Variants in OR4N5 observed in about 807,000 individuals in gnomAD.
The protein encoded by OR4N5 is olfactory receptor 4N5.
For synonymous variants in OR4N5, 155 were observed against 140.6 expected, an observed-to-expected ratio of 1.10 and a Z score of -0.72; for missense variants, 428 against 370.0, an observed-to-expected ratio of 1.16 and a Z score of -1.29.
Position 20,144,033 on chromosome 14 carries a change from C to T in OR4N5, c.298C>T (p.Gln100Ter). 3 of 1,614,076 alleles carry T rather than the reference C, an allele frequency of 1.9e-6. No individual in the cohort carries two copies. Among genetic ancestry groups the T allele is most frequent in the Non-Finnish European group, 8.5e-7 (1 of 1,179,962 alleles). ...AATCTCCTATAGAAGCTGCATCACTCAGCTCTTTTTCTTGCATTTTCTTGG... is the reference window on the plus strand; with the variant it reads ...AATCTCCTATAGAAGCTGCATCACTTAGCTCTTTTTCTTGCATTTTCTTGG... ...KVISYRSCITQLFFLHFLGAG... is the reference protein window; with the variant it reads ...KVISYRSCIT Residue 100 changes from glutamine (Q) to a stop codon, truncating the protein, a stop_gained, in exon 3 of 3, where the codon CAG becomes TAG. Transcript: ENST00000641086. LOFTEE classifies it low-confidence loss of function (END_TRUNC).
rs746288734 is a variant in OR4N5 at position 20,143,804 on chromosome 14, T to C, written c.69T>C (p.Ala23=). The C allele has an allele frequency of 5.6e-6, 9 of 1,613,874 alleles. No homozygotes were observed. Among genetic ancestry groups the C allele is most frequent in the African/African-American group, 1.3e-5 (1 of 74,928 alleles). Residue 23 remains alanine, a synonymous_variant, in exon 3 of 3, where the codon GCT becomes GCC. Transcript: ENST00000641086. ...TTGGTCTGACCCAGTCTCAAGATGC[T>C]CAACTTCTGGTCTTTGTGCTAGTCT... ...ILLGLTQSQD[A]QLLVFVLVLI...
chr14:20,142,813 A>T (rs983646947), intron 2 of OR4N5, among the ~76,000 whole-genome samples: 15 of 152,220 alleles, frequency 9.9e-5, no homozygotes, highest in Non-Finnish European at 2.1e-4. Context: ...CAACTCTCAA[A>T]TGAGTACATC....
At position 20,144,043 on chromosome 14, in the gene OR4N5, T is replaced by G. The variant is rs1308823413; in HGVS notation, c.308T>G (p.Phe103Cys). Residue 103 changes from phenylalanine to cysteine, a missense_variant, in exon 3 of 3, where the codon TTC (phenylalanine) becomes TGC (cysteine). Coordinates refer to ENST00000641086, the MANE Select transcript of OR4N5 (RefSeq NM_001004724.2). ...SYRSCITQLF[F>C]LHFLGAGEMF... ...AGAAGCTGCATCACTCAGCTCTTTT[T>G]CTTGCATTTTCTTGGAGCGGGAGAG... 6.2e-7 allele frequency: 1 copy of G among 1,614,016 alleles called. No individual in the cohort carries two copies. The highest frequency in any genetic ancestry group is 1.3e-5 in the African/African-American group (1 of 74,932).
intron 2 of OR4N5, among the ~76,000 whole-genome samples, chr14:20,143,284 C>G (rs935847204): frequency 5.9e-5 from 9 of 152,156 alleles, no homozygotes; most frequent in African/African-American, 2.2e-4. Flanking sequence ...GCAGAAGCAA[C>G]TGTGAAAGCA....
At chr14:20,141,958 C>G (rs1043122933) in intron 2 of OR4N5, among the ~76,000 whole-genome samples, 1 of 152,062 alleles carries the variant, frequency 6.6e-6, no homozygotes, top group South Asian at 2.1e-4. Flanking sequence ...TCAAGGGTAA[C>G]ATTTGTACAT....
At chr14:20,141,735 C>T (rs1030966174) in intron 2 of OR4N5, among the ~76,000 whole-genome samples, 4 of 151,908 alleles carry the variant, frequency 2.6e-5, no homozygotes, top group Non-Finnish European at 5.9e-5. Flanking sequence ...TTCAGTAGCA[C>T]TGCTTCAAAA....
At position 20,144,966 on chromosome 14, in the gene OR4N5, G is replaced by A. The variant is rs1878708710; in HGVS notation, c.*304G>A. 4.5e-6 allele frequency: 1 copy of A among 222,190 alleles called. No individual in the cohort carries two copies. The allele number at this position is 222,190 out of a possible 1,614,324, so 13.8% of individuals were successfully genotyped here. On this transcript the variant is annotated 3_prime_UTR_variant, in exon 3 of 3. Transcript: ENST00000641086. The stretch of plus-strand genomic sequence containing the variant: ...AGTGTTCTGTAGCAAGCAGAAAGTG[G>A]TATTATGCTAGAGATTAGCTGGGGA...
chr14:20,139,918 T>A (rs749891676), intron 1 of OR4N5, among the ~76,000 whole-genome samples: 12 of 152,180 alleles, frequency 7.9e-5, no homozygotes, highest in Non-Finnish European at 1.3e-4. Flanking sequence ...TGCCTCATTT[T>A]TATCAAGATG....
chr14:20,142,228 C>T (rs1284641425), intron 2 of OR4N5, among the ~76,000 whole-genome samples: 1 of 151,944 alleles, frequency 6.6e-6, no homozygotes, highest in Non-Finnish European at 1.5e-5. Flanking sequence ...TGGGTTCACA[C>T]CATTCTCCTG....
intron 1 of OR4N5, among the ~76,000 whole-genome samples, chr14:20,140,394 G>C (rs528362078): frequency 6.6e-6 from 1 of 152,254 alleles, no homozygotes; most frequent in South Asian, 2.1e-4. Flanking sequence ...TGTTGTAAAT[G>C]AGTGTATGAA....
intron 2 of OR4N5, 68 bp from the exon 3 acceptor site, chr14:20,143,657 A>T: frequency 9.8e-7 from 1 of 1,019,972 alleles, no homozygotes; most frequent in Non-Finnish European, 1.5e-6. Context: ...TCTTATCTGG[A>T]GAGGAGATAG....
intron 1 of OR4N5, among the ~76,000 whole-genome samples, chr14:20,139,665 G>A (rs958222812): frequency 6.6e-6 from 1 of 151,982 alleles, no homozygotes; most frequent in Non-Finnish European, 1.5e-5. Context: ...ACACAGATGT[G>A]GATTAGCTCC....
At position 20,144,223 on chromosome 14, in the gene OR4N5, T is replaced by C. The variant is rs770856798; in HGVS notation, c.488T>C (p.Ile163Thr). The C allele has an allele frequency of 6.2e-7, 1 of 1,614,104 alleles. No individual in the cohort carries two copies. The highest frequency in any genetic ancestry group is 1.1e-5 in the South Asian group (1 of 91,084). The change falls in exon 3 of 3, where the codon ATC (isoleucine) becomes ACC (threonine). Residue 163 changes from isoleucine to threonine, a missense_variant. Physicochemically the swap from Ile to Thr is moderately conservative, Grantham distance 89. Coordinates refer to ENST00000641086, the MANE Select transcript of OR4N5 (RefSeq NM_001004724.2). The stretch of plus-strand genomic sequence containing the variant: ...CATTCCATTGTACAAGTAGCCCTTA[T>C]CCTGCACTTGCCTTTCTGTGGCCCA... Reference protein sequence around the residue: ...FIHSIVQVALILHLPFCGPNQ... With the variant: ...FIHSIVQVALTLHLPFCGPNQ...
At chr14:20,142,753 G>A (rs1878642675) in intron 2 of OR4N5, among the ~76,000 whole-genome samples, 1 of 152,134 alleles carries the variant, frequency 6.6e-6, no homozygotes, top group South Asian at 2.1e-4. Context: ...GATAATGAGA[G>A]AAAAGAAAAC....
At chr14:20,138,956 T>C (rs1412095021) in intron 1 of OR4N5, 66 bp downstream of exon 1, 1 of 151,994 alleles carries the variant, frequency 6.6e-6, no homozygotes, top group Non-Finnish European at 1.5e-5. Flanking sequence ...AGAAAAATTA[T>C]ACTATTTGTC....
At chr14:20,142,639 T>C (rs773507818) in intron 2 of OR4N5, among the ~76,000 whole-genome samples, 3 of 152,208 alleles carry the variant, frequency 2.0e-5, no homozygotes, top group Non-Finnish European at 2.9e-5. Context: ...TGCAGCATCA[T>C]ATTTACTTAA....
chr14:20,144,444 A>G lies in OR4N5; in HGVS notation c.709A>G (p.Ile237Val). 6.2e-7 allele frequency: 1 copy of G among 1,613,222 alleles called. No homozygotes were observed. Among genetic ancestry groups the G allele is most frequent in the Non-Finnish European group, 8.5e-7 (1 of 1,179,236 alleles). Residue 237 changes from isoleucine to valine, a missense_variant, in exon 3 of 3, where the codon ATT (isoleucine) becomes GTT (valine). Transcript: ENST00000641086. Reference sequence around the variant, plus strand: ...CTCCTCTGAAGGAAAGAGCAAGGCTATTTCCACATGCACCACCCATATTAT... The same window carrying G: ...CTCCTCTGAAGGAAAGAGCAAGGCTGTTTCCACATGCACCACCCATATTAT... ...EHSSEGKSKA[I>V]STCTTHIIII...
At position 20,145,425 on chromosome 14, in the gene OR4N5, G is replaced by A. The variant is rs1878718549; in HGVS notation, c.*763G>A. ...GTAGTAAAATATCATTAAGTGGAAA[G>A]TGCGTGCTGCTAAGTATTTTTTATT... On this transcript the variant is annotated 3_prime_UTR_variant, in exon 3 of 3. Transcript: ENST00000641086. 2 of 152,164 alleles carry A rather than the reference G, an allele frequency of 1.3e-5. No homozygotes were observed. The highest frequency in any genetic ancestry group is 2.9e-5 in the Non-Finnish European group (2 of 68,020). The allele number at this position is 152,164 out of a possible 1,614,324, so 9.4% of individuals were successfully genotyped here.
At position 20,144,530 on chromosome 14, in the gene OR4N5, C is replaced by T. The variant is rs1418474324; in HGVS notation, c.795C>T (p.Phe265=). The change falls in exon 3 of 3, where the codon TTC becomes TTT. Residue 265 remains phenylalanine (F), a synonymous_variant. Transcript: ENST00000641086. ...TCTACACTTGCCCCTTCCAGGCTTT[C>T]CCAGCTGACAAGGTAGTTTCTCTTT... ...IFIYTCPFQA[F]PADKVVSLFH... is the part of the protein sequence containing the mutation. 1 of 1,614,010 alleles carries T rather than the reference C, an allele frequency of 6.2e-7. No homozygotes were observed. The highest frequency in any genetic ancestry group is 1.3e-5 in the African/African-American group (1 of 75,036).
Sources: gnomAD v4.1 joint callset for allele counts (sites outside exome capture counted in the v4.1 genomes callset) on GRCh38, gnomAD v4.1.1 for gene constraint, MANE v1.5 for transcripts, NCBI Gene and HGNC (gene_info 2026-07-23, HGNC 2026-07-21) for gene names.